The following ADGRV1 variants were observed in gnomAD, a reference collection of about 807,000 sequenced individuals.
ADGRV1 encodes the protein G-protein coupled receptor 98.
A neutral mutation model predicts 596.2 loss-of-function variants in ADGRV1; 359 were observed. The ratio of observed to expected loss-of-function variants is 0.60; its 90% CI spans 0.55 to 0.66. ADGRV1 has a LOEUF of 0.66. ADGRV1 is among the 30% of genes least tolerant of loss of function. The pLI, the probability that ADGRV1 is intolerant of heterozygous loss-of-function variation, is 0.00. For missense variants in ADGRV1, 7,274 were observed against 7,575.6 expected (o/e 0.96, Z 1.48); for synonymous variants, 2,681 against 2,679.2 (o/e 1.00, Z -0.02).
chr5:90,975,709 C>T (rs1050200227), intron 84 of ADGRV1, among the ~76,000 whole-genome samples: 3 of 151,956 alleles, frequency 2.0e-5, no homozygotes, highest in South Asian at 2.1e-4. Flanking sequence ...GTCCTGGGGT[C>T]GAGGGAGGGG....
intron 85 of ADGRV1, among the ~76,000 whole-genome samples, chr5:91,048,453 C>A (rs1324992844): frequency 6.6e-6 from 1 of 152,170 alleles, no homozygotes; most frequent in Non-Finnish European, 1.5e-5. Flanking sequence ...AGCAAGCCAG[C>A]CTCTCTCTCA....
At chr5:91,051,577 C>T in intron 85 of ADGRV1, among the ~76,000 whole-genome samples, 1 of 127,112 alleles carries the variant, frequency 7.9e-6, no homozygotes. Context: ...GGAAGAGTCT[C>T]ACTCTGTCGC....
intron 27 of ADGRV1, 42 bp downstream of exon 27, chr5:90,681,496 GTTT>G (rs1561515863): frequency 6.3e-7 from 1 of 1,575,738 alleles, no homozygotes. Context: ...ACTTTCTGTT[GTTT>G]TAAAAACTGT....
chr5:90,910,410 A>G (rs979309266), intron 83 of ADGRV1, among the ~76,000 whole-genome samples: 14 of 152,334 alleles, frequency 9.2e-5, no homozygotes, highest in Admixed American at 5.9e-4. Flanking sequence ...TTCCACTTTG[A>G]GATAATGCAC....
chr5:90,808,058 C>A (rs1398819231), intron 73 of ADGRV1, among the ~76,000 whole-genome samples: 2 of 152,072 alleles, frequency 1.3e-5, no homozygotes, highest in East Asian at 3.9e-4. Context: ...TACCTGATTG[C>A]CCCAAGTGAT....
chr5:90,609,038 A>G (rs1319532435), intron 1 of ADGRV1, among the ~76,000 whole-genome samples: 3 of 152,088 alleles, frequency 2.0e-5, no homozygotes, highest in African/African-American at 4.8e-5. Flanking sequence ...GAAAGTCTAC[A>G]TGGAAGTCTG....
At chr5:90,739,062 T>G (rs1164197432) in intron 50 of ADGRV1, among the ~76,000 whole-genome samples, 1 of 152,028 alleles carries the variant, frequency 6.6e-6, no homozygotes, top group Non-Finnish European at 1.5e-5. Context: ...TTCTTTCTTC[T>G]GCTTGATCAA....
chr5:91,074,401 C>A (rs1453261907), intron 86 of ADGRV1, among the ~76,000 whole-genome samples: 1 of 152,144 alleles, frequency 6.6e-6, no homozygotes, highest in East Asian at 1.9e-4. Context: ...ATATTTACTC[C>A]CACTTATTAG....
intron 86 of ADGRV1, 40 bp from the exon 87 acceptor site, chr5:91,102,178 AG>A: frequency 1.3e-6 from 2 of 1,568,234 alleles, no homozygotes; most frequent in Non-Finnish European, 1.7e-6. Flanking sequence ...GTGACTGTGC[AG>A]TATTCTGAAG....
intron 75 of ADGRV1, among the ~76,000 whole-genome samples, chr5:90,821,209 G>A (rs1168937384): frequency 0.014 from 2,079 of 149,454 alleles, 15 homozygotes; most frequent in Middle Eastern, 0.051. Context: ...TGATCGCATC[G>A]GCTCCTGAGG....
chr5:90,709,650 A>G (rs986027775), intron 39 of ADGRV1, among the ~76,000 whole-genome samples: 1 of 152,244 alleles, frequency 6.6e-6, no homozygotes, highest in African/African-American at 2.4e-5. Context: ...TCATTTCTGA[A>G]GCTCACTGTG....
chr5:90,642,596 T>A, intron 11 of ADGRV1, 40 bp from the exon 12 acceptor site: 2 of 1,598,898 alleles, frequency 1.3e-6, no homozygotes, highest in East Asian at 4.5e-5. Flanking sequence ...GAAGTAAAAC[T>A]GGAAGTAGCG....
intron 1 of ADGRV1, among the ~76,000 whole-genome samples, chr5:90,596,279 G>A (rs550885247): frequency 1.7e-4 from 26 of 151,426 alleles, no homozygotes; most frequent in African/African-American, 5.6e-4. Context: ...GATGGCCGCC[G>A]GGCAGAGACG....
rs1763536092 is a variant in ADGRV1 at position 90,617,632 on chromosome 5, G to T, written c.208-172G>T. 1.4e-5 allele frequency: 8 copies of T among 560,266 alleles called. No individual in the cohort carries two copies. The South Asian group carries it at 1.9e-4, about 13-fold the overall frequency. 34.7% of individuals were successfully genotyped at this position (560,266 alleles called of 1,614,324 possible). A position where few individuals can be genotyped will look rare whatever the true frequency, so the allele number is the denominator to read the frequency against. Reference sequence around the variant, plus strand: ...CTGGAATCATTTGTTTATTTCTGAAGATAAGTTTTTTCAGTTGTTAAATAT... The same window carrying T: ...CTGGAATCATTTGTTTATTTCTGAATATAAGTTTTTTCAGTTGTTAAATAT... On this transcript the variant is annotated intron_variant, in intron 2 of 89. Coordinates refer to ENST00000405460, the MANE Select transcript of ADGRV1 (RefSeq NM_032119.4).
intron 42 of ADGRV1, among the ~76,000 whole-genome samples, chr5:90,715,087 C>A (rs1749911033): frequency 6.6e-6 from 1 of 152,180 alleles, no homozygotes; most frequent in African/African-American, 2.4e-5. Flanking sequence ...AAATGCCTCT[C>A]CAGTAATTTA....
intron 89 of ADGRV1, among the ~76,000 whole-genome samples, chr5:91,154,497 G>T (rs973946909): frequency 6.6e-5 from 10 of 152,264 alleles, no homozygotes; most frequent in African/African-American, 2.2e-4. Context: ...GTTAAGCGGC[G>T]GCGCAAAGCA....
chr5:90,973,899 A>C (rs1779301865), intron 84 of ADGRV1, among the ~76,000 whole-genome samples: 1 of 152,226 alleles, frequency 6.6e-6, no homozygotes, highest in Non-Finnish European at 1.5e-5. Flanking sequence ...TTAGGAAAAG[A>C]GGAAGTCAAA....
intron 29 of ADGRV1, among the ~76,000 whole-genome samples, chr5:90,687,102 T>C (rs986100330): frequency 1.3e-5 from 2 of 152,182 alleles, no homozygotes; most frequent in Non-Finnish European, 2.9e-5. Context: ...TTGTAGATTC[T>C]GGATATTAGC....
intron 83 of ADGRV1, among the ~76,000 whole-genome samples, chr5:90,961,407 G>C (rs184257509): frequency 1.3e-3 from 195 of 146,096 alleles, no homozygotes; most frequent in African/African-American, 4.3e-3. Context: ...AGATTCGCTT[G>C]AACCCGGGAG....
Sources: gnomAD v4.1 joint callset for allele counts (sites outside exome capture counted in the v4.1 genomes callset) on GRCh38, gnomAD v4.1.1 for gene constraint, MANE v1.5 for transcripts, NCBI Gene and HGNC (gene_info 2026-07-23, HGNC 2026-07-21) for gene names.